The following DCTN4 variants were observed in gnomAD, a reference collection of about 807,000 sequenced individuals.
DCTN4 encodes dynactin subunit 4, also known as dynactin 4 (p62).
A neutral mutation model predicts 62.7 loss-of-function variants in DCTN4; 23 were observed. The observed-to-expected ratio is 0.37, with a 90% CI of 0.26 to 0.52. DCTN4 has a LOEUF of 0.52. DCTN4 is among the 20% of genes least tolerant of loss of function. DCTN4 has a pLI of 0.92. For synonymous variants in DCTN4, 199 were observed against 202.1 expected (o/e 0.98, Z 0.13); for missense variants, 514 against 580.4 (o/e 0.89, Z 1.18).
intron 4 of DCTN4, among the ~76,000 whole-genome samples, chr5:150,738,914 T>C (rs1760674638): frequency 6.6e-6 from 1 of 152,004 alleles, no homozygotes; most frequent in African/African-American, 2.4e-5. Flanking sequence ...CAATAAAAGG[T>C]TGGGCACAGT....
In DCTN4 at chr5:150,730,637, G is replaced by A. The variant is rs1281061023; in HGVS notation, c.828C>T (p.Arg276=). 1.2e-6 allele frequency: 2 copies of A among 1,613,518 alleles called. No homozygotes were observed. The highest frequency in any genetic ancestry group is 1.7e-6 in the Non-Finnish European group (2 of 1,179,670). ...HKHLLIKRSL[R]CRKCEHNLSK... The stretch of plus-strand genomic sequence containing the variant: ...TACAGAATGGAATACTTACACGGCA[G>A]CGCAGGGACCGTTTGATCAGAAGAT... Residue 276 remains arginine (R), a synonymous_variant, in exon 8 of 13, where the codon CGC becomes CGT. Coordinates refer to ENST00000447998, the MANE Select transcript of DCTN4 (RefSeq NM_016221.4).
At chr5:150,719,344 G>C (rs1000094136) in intron 10 of DCTN4, among the ~76,000 whole-genome samples, 2 of 152,202 alleles carry the variant, frequency 1.3e-5, no homozygotes, top group Admixed American at 6.5e-5. Flanking sequence ...CCAAGGAAGA[G>C]AAGGGCTGTG....
intron 2 of DCTN4, among the ~76,000 whole-genome samples, chr5:150,756,140 C>A (rs1752853408): frequency 6.7e-6 from 1 of 149,740 alleles, no homozygotes; most frequent in Non-Finnish European, 1.5e-5. Flanking sequence ...CTCCCAGGTT[C>A]AAGCAATTCA....
At chr5:150,752,369 C>T (rs1752707325) in intron 3 of DCTN4, among the ~76,000 whole-genome samples, 1 of 152,128 alleles carries the variant, frequency 6.6e-6, no homozygotes, top group Non-Finnish European at 1.5e-5. Flanking sequence ...CTTAGGTGGT[C>T]TTAAATCCAA....
chr5:150,713,986 G>A (rs1214107604), intron 12 of DCTN4, among the ~76,000 whole-genome samples: 2 of 151,878 alleles, frequency 1.3e-5, no homozygotes, highest in Admixed American at 6.6e-5. Flanking sequence ...GCGTGGTGGC[G>A]CTTGCCTGTA....
At chr5:150,715,487 C>A in intron 12 of DCTN4, 78 bp downstream of exon 12, 2 of 1,114,746 alleles carry the variant, frequency 1.8e-6, no homozygotes, top group South Asian at 1.6e-5. Flanking sequence ...TTAAAAAATC[C>A]AGACAAGAAA....
intron 12 of DCTN4, 63 bp from the exon 13 acceptor site, chr5:150,711,425 T>C (rs1246256546): frequency 3.8e-6 from 5 of 1,320,562 alleles, no homozygotes; most frequent in Non-Finnish European, 5.4e-6. Context: ...CACTAAGACT[T>C]ACAGTAAAAG....
Position 150,757,961 on chromosome 5 carries a change from T to A in DCTN4, c.135+898A>T, listed in dbSNP as rs917181516. 9.3e-5 allele frequency: 60 copies of A among 643,600 alleles called. No individual in the cohort carries two copies. The African/African-American group carries it at 9.7e-4, about 10-fold the overall frequency. The allele number at this position is 643,600 out of a possible 1,614,324, so 39.9% of individuals were successfully genotyped here. On this transcript the variant is annotated intron_variant, in intron 1 of 12. Transcript: ENST00000447998. ...TCTGTTTCTTTACCTGTAAAAAAAA[T>A]TTTTTAAAAAAAGTATCCACTTAAA...
chr5:150,725,200 T>G (rs1278773037), intron 8 of DCTN4, among the ~76,000 whole-genome samples: 1 of 151,358 alleles, frequency 6.6e-6, no homozygotes, highest in East Asian at 1.9e-4. Context: ...ATTAACACAT[T>G]CTTTTATAAA....
At position 150,724,772 on chromosome 5, in the gene DCTN4, CT is replaced by C. The variant is rs1212747668; in HGVS notation, c.835-1793del. 3.3e-5 allele frequency among the ~76,000 whole-genome samples: 5 copies of C among 152,154 alleles called. No homozygotes were observed. The South Asian group carries it at 1.0e-3, about 32-fold the overall frequency. Reference sequence around the variant, plus strand: ...CTACGTCTGCATACATATAGACACACTTTTTTTTGTTTATATGTACATTTGT... The same window carrying C: ...CTACGTCTGCATACATATAGACACACTTTTTTTGTTTATATGTACATTTGT... On this transcript the variant is annotated intron_variant, in intron 8 of 12. Coordinates refer to ENST00000447998, the MANE Select transcript of DCTN4 (RefSeq NM_016221.4).
intron 2 of DCTN4, among the ~76,000 whole-genome samples, chr5:150,756,039 C>CTTTTTT (rs777641858): frequency 1.6e-5 from 2 of 124,990 alleles, no homozygotes; most frequent in Admixed American, 8.1e-5. Flanking sequence ...TTTCATGTGT[C>CTTTTTT]TTTTTTTTTT....
chr5:150,744,674 C>A (rs1760895844), intron 3 of DCTN4, among the ~76,000 whole-genome samples: 1 of 151,678 alleles, frequency 6.6e-6, no homozygotes, highest in Admixed American at 6.6e-5. Context: ...CCCAGAATTT[C>A]ATATCCAGCC....
chr5:150,735,903 C>A (rs2113077714), intron 4 of DCTN4, among the ~76,000 whole-genome samples: 2 of 135,276 alleles, frequency 1.5e-5, no homozygotes, highest in Admixed American at 7.3e-5. Context: ...TGAAAACCAA[C>A]TTAAGGGAAT....
rs758906860 is a variant in DCTN4, at chr5:150,711,229, T to C, written c.1303A>G (p.Ile435Val). Residue 435 changes from isoleucine to valine, a missense_variant, in exon 13 of 13, where the codon ATT becomes GTT. Coordinates refer to ENST00000447998, the MANE Select transcript of DCTN4 (RefSeq NM_016221.4). ...TCTGTTCCCTGGTCACTTTCTTCAA[T>C]GGGGCGAATGGGGGCTGCCAGGTTT... ...FKNLAAPIRP[I>V]EESDQGTEVI... is the part of the protein sequence containing the mutation. 6 of 1,613,002 alleles carry C rather than the reference T, an allele frequency of 3.7e-6. No homozygotes were observed. In the South Asian group the frequency reaches 5.5e-5, roughly 15 times the overall value.
intron 8 of DCTN4, among the ~76,000 whole-genome samples, chr5:150,725,471 TTTC>T (rs1032903539): frequency 2.0e-5 from 3 of 152,030 alleles, no homozygotes; most frequent in African/African-American, 7.2e-5. Flanking sequence ...TGTATTTTGG[TTTC>T]TTAATTTACT....
chr5:150,740,128 AAGAC>A (rs1395579166), intron 4 of DCTN4, among the ~76,000 whole-genome samples: 2 of 152,214 alleles, frequency 1.3e-5, no homozygotes, highest in Non-Finnish European at 2.9e-5. Flanking sequence ...GCAGACTAAA[AAGAC>A]AGCCCATAGA....
At position 150,719,226 on chromosome 5, in the gene DCTN4, T is replaced by TA. The variant is rs200094780; in HGVS notation, c.963+489dup. Among the ~76,000 whole-genome samples, 359 of 152,324 alleles carry TA rather than the reference T, an allele frequency of 2.4e-3. 7 individuals carry two copies. In the East Asian group the frequency reaches 0.034, roughly 14 times the overall value. ...TTCAAATGAAGGCCCATGTAATAAA[T>TA]ATTTGTGTTTTCAGGAGCAGCATGA... On this transcript the variant is annotated intron_variant, in intron 10 of 12. Transcript: ENST00000447998.
rs1042226690 is a variant in DCTN4 at position 150,753,794 on chromosome 5, G to C, written c.207-137C>G. ...GCCTCTTACCAACTTTGCTTTAACA[G>C]TTCAAGAGTACTATATGTTCATTAG... On this transcript the variant is annotated intron_variant, in intron 2 of 12. Coordinates refer to ENST00000447998, the MANE Select transcript of DCTN4 (RefSeq NM_016221.4). 2.0e-5 allele frequency: 16 copies of C among 800,506 alleles called. No individual in the cohort carries two copies. The African/African-American group carries it at 2.1e-4, about 10-fold the overall frequency. 49.6% of individuals were successfully genotyped at this position (800,506 alleles called of 1,614,324 possible). A position where few individuals can be genotyped will look rare whatever the true frequency, so the allele number is the denominator to read the frequency against.
chr5:150,723,076 ATTTTG>A (rs372331726), intron 8 of DCTN4, 96 bp from the exon 9 acceptor site: 92 of 924,894 alleles, frequency 9.9e-5, no homozygotes, highest in South Asian at 6.0e-4. Flanking sequence ...ATTTACGAGA[ATTTTG>A]TTTTGTTTTG....
Sources: allele counts gnomAD v4.1 joint callset (sites outside exome capture counted in the v4.1 genomes callset), GRCh38; gene constraint gnomAD v4.1.1; transcripts MANE v1.5; gene names NCBI Gene and HGNC (gene_info 2026-07-23, HGNC 2026-07-21).